Variants in TBC1D16 observed in about 807,000 individuals in gnomAD.
TBC1D16 encodes CTD-2529O21.1.
TBC1D16 carries 58 observed loss-of-function variants against 74.7 expected under a neutral mutation model. That is an observed-to-expected ratio of 0.78 (90% CI 0.63 to 0.97). The LOEUF is 0.97. Among genes scored for constraint, TBC1D16 ranks in the 50% least tolerant of loss-of-function variants. The pLI, the probability that TBC1D16 is intolerant of heterozygous loss-of-function variation, is 0.00. For missense variants in TBC1D16, 1,014 were observed against 1,079.5 expected (o/e 0.94, Z 0.85); for synonymous variants, 493 against 474.7 (o/e 1.04, Z -0.50).
At chr17:79,952,989 C>A in intron 3 of TBC1D16, 171 bp from the exon 4 acceptor site, 2 of 636,334 alleles carry the variant, frequency 3.1e-6, no homozygotes, top group Admixed American at 3.2e-5. Flanking sequence ...ATGTATGAAC[C>A]CCACTGCACA....
At chr17:79,977,933 G>A (rs1322756958) in intron 3 of TBC1D16, among the ~76,000 whole-genome samples, 1 of 152,216 alleles carries the variant, frequency 6.6e-6, no homozygotes. Flanking sequence ...CTGCTGCCGG[G>A]GTGGGACCCC....
At chr17:79,953,766 T>C (rs578007210) in intron 3 of TBC1D16, among the ~76,000 whole-genome samples, 1 of 152,220 alleles carries the variant, frequency 6.6e-6, no homozygotes, top group South Asian at 2.1e-4. Context: ...CTTTTTTTCT[T>C]TTTTCTTTTT....
chr17:80,021,721 CCA>C (rs1568645139), intron 1 of TBC1D16, among the ~76,000 whole-genome samples: 1 of 147,708 alleles, frequency 6.8e-6, no homozygotes, highest in Admixed American at 6.7e-5. Context: ...ACACCACACA[CCA>C]CAGACACACA....
rs1331557046 is a variant in TBC1D16 at position 79,935,848 on chromosome 17, C to T, written c.*5011G>A. The T allele has an allele frequency of 6.6e-6, 1 of 152,204 alleles. No individual in the cohort carries two copies. The highest frequency in any genetic ancestry group is 1.5e-5 in the Non-Finnish European group (1 of 68,044). The allele number at this position is 152,204 out of a possible 1,614,324, so 9.4% of individuals were successfully genotyped here. A position where few individuals can be genotyped will look rare whatever the true frequency, so the allele number is the denominator to read the frequency against. ...GGTGGAAATTTCATGAAAATTTCCC[C>T]TAAACCATAACAAAAACTGTCCTCC... On this transcript the variant is annotated 3_prime_UTR_variant, in exon 12 of 12. Coordinates refer to ENST00000310924, the MANE Select transcript of TBC1D16 (RefSeq NM_019020.4).
intron 3 of TBC1D16, among the ~76,000 whole-genome samples, chr17:79,997,444 G>A (rs1207576495): frequency 3.3e-5 from 5 of 152,002 alleles, no homozygotes; most frequent in Non-Finnish European, 5.9e-5. Flanking sequence ...GGTGGCTCAC[G>A]TTACATTTCT....
intron 10 of TBC1D16, chr17:79,943,955 C>T: frequency 6.7e-7 from 1 of 1,491,898 alleles, no homozygotes; most frequent in Non-Finnish European, 8.9e-7. Context: ...TTCGTTAATG[C>T]AGATCGTCCA....
chr17:80,016,975 G>A (rs1296337866), intron 1 of TBC1D16, among the ~76,000 whole-genome samples: 1 of 152,056 alleles, frequency 6.6e-6, no homozygotes, highest in Non-Finnish European at 1.5e-5. Flanking sequence ...CAGTTCTGGG[G>A]GTGGGGACCC....
At position 80,001,148 on chromosome 17, in the gene TBC1D16, T is replaced by C. The variant is rs534390497; in HGVS notation, c.779+9012A>G. 2.4e-4 allele frequency among the ~76,000 whole-genome samples: 37 copies of C among 152,328 alleles called. No homozygotes were observed. The highest frequency in any genetic ancestry group is 7.5e-4 in the African/African-American group (31 of 41,590). ...TAGACTGACTATGGCCACATGCCAG[T>C]TCATGGGGCTCTGACCAGCCAGCTG... On this transcript the variant is annotated intron_variant, in intron 3 of 11. Coordinates refer to ENST00000310924, the MANE Select transcript of TBC1D16 (RefSeq NM_019020.4). The surrounding 1 kb of genome is among the most constrained non-coding windows in gnomAD (Gnocchi z 5.8).
chr17:79,979,342 G>A lies in TBC1D16; in HGVS notation c.780-26524C>T, dbSNP rs890550860. Among the ~76,000 whole-genome samples, 24 of 152,022 alleles carry A rather than the reference G, an allele frequency of 1.6e-4. 1 individual carries two copies. Among genetic ancestry groups the A allele is most frequent in the Non-Finnish European group, 2.9e-4 (20 of 68,010 alleles). Reference sequence around the variant, plus strand: ...ACACGCTCCAGGGATGCACACCCACGCCCTGGACCCCAGCAGAGGGATCAA... The same window carrying A: ...ACACGCTCCAGGGATGCACACCCACACCCTGGACCCCAGCAGAGGGATCAA... On this transcript the variant is annotated intron_variant, in intron 3 of 11. Coordinates refer to ENST00000310924, the MANE Select transcript of TBC1D16 (RefSeq NM_019020.4). The surrounding 1 kb of genome is among the most constrained non-coding windows in gnomAD (Gnocchi z 4.8).
At position 80,000,623 on chromosome 17, in the gene TBC1D16, G is replaced by C. The variant is rs1011805564; in HGVS notation, c.779+9537C>G. Among the ~76,000 whole-genome samples, 1 of 152,194 alleles carries C rather than the reference G, an allele frequency of 6.6e-6. No homozygotes were observed. The highest frequency in any genetic ancestry group is 1.5e-5 in the Non-Finnish European group (1 of 68,028). On this transcript the variant is annotated intron_variant, in intron 3 of 11. Transcript: ENST00000310924. The surrounding 1 kb of genome is among the most constrained non-coding windows in gnomAD (Gnocchi z 4.1). ...TTTGTCACAGCAGCCCCAGGACACT[G>C]ATACGAGCACGTCCAACGGGGCTGG...
At chr17:79,966,049 A>C (rs767037434) in intron 3 of TBC1D16, among the ~76,000 whole-genome samples, 6 of 152,174 alleles carry the variant, frequency 3.9e-5, no homozygotes, top group Non-Finnish European at 7.4e-5. Context: ...CCAAGGTGCC[A>C]GCAGGCCACA....
At position 80,028,256 on chromosome 17, in the gene TBC1D16, C is replaced by T. The variant is rs577895474; in HGVS notation, c.-63+7539G>A. Among the ~76,000 whole-genome samples, 6 of 152,090 alleles carry T rather than the reference C, an allele frequency of 3.9e-5. No individual in the cohort carries two copies. The South Asian group carries it at 6.2e-4, about 16-fold the overall frequency. ...AGAAAAGAAAAAAAGAATAGCCGGG[C>T]GCAGTGGCTCACGCCTGTAATCCCA... is the stretch of plus-strand genomic sequence containing the variant. On this transcript the variant is annotated intron_variant, in intron 1 of 11. Coordinates refer to ENST00000310924, the MANE Select transcript of TBC1D16 (RefSeq NM_019020.4).
chr17:79,985,025 G>A lies in TBC1D16; in HGVS notation c.779+25135C>T, dbSNP rs1046969379. 6.6e-6 allele frequency among the ~76,000 whole-genome samples: 1 copy of A among 152,140 alleles called. No individual in the cohort carries two copies. Among genetic ancestry groups the A allele is most frequent in the African/African-American group, 2.4e-5 (1 of 41,428 alleles). On this transcript the variant is annotated intron_variant, in intron 3 of 11. Coordinates refer to ENST00000310924, the MANE Select transcript of TBC1D16 (RefSeq NM_019020.4). This position sits in a 1 kb window ranked among gnomAD's most constrained non-coding sequence, Gnocchi z 4.9. ...ATGAAGGACCACAGACCAGAAGCTT[G>A]AAAACAACAGAAATGTATTGTCTGG...
chr17:79,948,814 G>C, intron 8 of TBC1D16, 58 bp downstream of exon 8: 2 of 1,608,750 alleles, frequency 1.2e-6, no homozygotes, highest in Non-Finnish European at 8.5e-7. Flanking sequence ...TTCCCAGAGC[G>C]GTCAGGTGAG....
rs1452377742 is a variant in TBC1D16 at position 79,936,003 on chromosome 17, C to T, written c.*4856G>A. 1 of 152,214 alleles carries T rather than the reference C, an allele frequency of 6.6e-6. No individual in the cohort carries two copies. Among genetic ancestry groups the T allele is most frequent in the Admixed American group, 6.5e-5 (1 of 15,284 alleles). The allele number at this position is 152,214 out of a possible 1,614,324, so 9.4% of individuals were successfully genotyped here. ...GCCAGATGGCTGCAGGCTGTTTGCACCCCTGGCTCTGCCCAGGGACACCCC... is the reference window on the plus strand; with the variant it reads ...GCCAGATGGCTGCAGGCTGTTTGCATCCCTGGCTCTGCCCAGGGACACCCC... On this transcript the variant is annotated 3_prime_UTR_variant, in exon 12 of 12. Transcript: ENST00000310924.
Position 79,941,140 on chromosome 17 carries a change from C to CG in TBC1D16, c.2056-34dup. On this transcript the variant is annotated intron_variant, in intron 11 of 11. Coordinates refer to ENST00000310924, the MANE Select transcript of TBC1D16 (RefSeq NM_019020.4). This position sits in a 1 kb window ranked among gnomAD's most constrained non-coding sequence, Gnocchi z 4.3. ...CAGAGGACGGGGGGTGAGGAGGGGC[C>CG]GGGGGACAGCCTGGCAGCCTAGGGT... 1 of 1,523,592 alleles carries CG rather than the reference C, an allele frequency of 6.6e-7. No individual in the cohort carries two copies. Among genetic ancestry groups the CG allele is most frequent in the South Asian group, 1.2e-5 (1 of 81,552 alleles). 94.4% of individuals were successfully genotyped at this position (1,523,592 alleles called of 1,614,324 possible).
In TBC1D16 at chr17:79,937,806, T is replaced by C. The variant is rs1663194; in HGVS notation, c.*3053A>G. ...CTGGCAAGCATCGAGCCTGACCACG[T>C]TGCCTCTTGGGTGCCAGCACGCCCA... On this transcript the variant is annotated 3_prime_UTR_variant, in exon 12 of 12. Transcript: ENST00000310924. 120,705 of 152,220 alleles carry C rather than the reference T, an allele frequency of 0.79. 47,848 individuals carry two copies. The highest frequency in any genetic ancestry group is 0.81 in the Admixed American group (12,407 of 15,298). 9.4% of individuals were successfully genotyped at this position (152,220 alleles called of 1,614,324 possible).
In TBC1D16 at chr17:79,944,949, C is replaced by G. The variant is rs1320607162; in HGVS notation, c.1867G>C (p.Glu623Gln). The change falls in exon 10 of 12, where the codon GAA becomes CAA. Residue 623 changes from glutamate (E) to glutamine (Q), a missense_variant. Glu to Gln is a conservative substitution (Grantham distance 29, BLOSUM62 2). Transcript: ENST00000310924. The surrounding 1 kb of genome is among the most constrained non-coding windows in gnomAD (Gnocchi z 7.7). ...CAGGCCTCCCAGATCCGCAGCGCTT[C>G]GGCCTCGGGGAACTCCCGCTTGAAG... ...LCFKREFPEA[E>Q]ALRIWEACWA... 6.4e-7 allele frequency: 1 copy of G among 1,554,546 alleles called. No homozygotes were observed. The highest frequency in any genetic ancestry group is 8.7e-7 in the Non-Finnish European group (1 of 1,148,908).
chr17:80,012,861 C>T (rs913059473), intron 2 of TBC1D16, among the ~76,000 whole-genome samples: 1 of 152,072 alleles, frequency 6.6e-6, no homozygotes, highest in Non-Finnish European at 1.5e-5. Flanking sequence ...GGGAAGGGGA[C>T]GGCAACAGGA....
Sources: gnomAD v4.1 joint callset for allele counts (sites outside exome capture counted in the v4.1 genomes callset) on GRCh38, gnomAD v4.1.1 for gene constraint, Gnocchi (gnomAD v3.1) non-coding constraint, MANE v1.5 for transcripts, NCBI Gene and HGNC (gene_info 2026-07-23, HGNC 2026-07-21) for gene names.